KCNMA1: variants seen among roughly 807,000 people sequenced by gnomAD.
KCNMA1 encodes potassium calcium-activated channel subfamily M alpha 1.
In KCNMA1, 29 loss-of-function variants were observed where a neutral mutation model predicts 140.0. The observed-to-expected ratio is 0.21, with a 90% CI of 0.15 to 0.28. The LOEUF (loss-of-function observed/expected upper bound fraction) is 0.28, where lower values mean the gene tolerates loss of function less well. Ranked by LOEUF, KCNMA1 falls within the 10% of genes least tolerant of loss-of-function variation. The pLI is 1.00. For missense variants in KCNMA1, 880 were observed against 1,602.2 expected, an observed-to-expected ratio of 0.55 and a Z score of 7.70; for synonymous variants, 612 against 611.9, an observed-to-expected ratio of 1.00 and a Z score of 0.00.
At chr10:77,497,804 G>T (rs2042476470) in intron 1 of KCNMA1, among the ~76,000 whole-genome samples, 1 of 152,218 alleles carries the variant, frequency 6.6e-6, no homozygotes, top group South Asian at 2.1e-4. Context: ...GGAAGATGTG[G>T]CTAACTTGCA....
At chr10:77,109,341 G>A (rs1008934995) in intron 8 of KCNMA1, among the ~76,000 whole-genome samples, 4 of 152,044 alleles carry the variant, frequency 2.6e-5, no homozygotes, top group Admixed American at 6.5e-5. Context: ...ATAAATGTGC[G>A]CACGGTGTAC....
intron 2 of KCNMA1, among the ~76,000 whole-genome samples, chr10:77,377,337 G>C (rs2095188892): frequency 6.6e-6 from 1 of 152,138 alleles, no homozygotes; most frequent in Non-Finnish European, 1.5e-5. Flanking sequence ...GATGACCTCT[G>C]GGGGATTCCT....
intron 1 of KCNMA1, among the ~76,000 whole-genome samples, chr10:77,540,793 G>A (rs1158408014): frequency 2.6e-5 from 4 of 152,138 alleles, no homozygotes; most frequent in Non-Finnish European, 5.9e-5. Flanking sequence ...CTGAGGTCAG[G>A]AGTTGGAGAC....
At chr10:77,182,498 C>T (rs916578443) in intron 5 of KCNMA1, among the ~76,000 whole-genome samples, 4 of 152,120 alleles carry the variant, frequency 2.6e-5, no homozygotes, top group Admixed American at 6.5e-5. Context: ...GCCTGGGAAC[C>T]GTGGGTGTCT....
chr10:77,544,906 A>G (rs1488670263), intron 1 of KCNMA1, among the ~76,000 whole-genome samples: 1 of 152,204 alleles, frequency 6.6e-6, no homozygotes, highest in African/African-American at 2.4e-5. Flanking sequence ...AAAAAGTCTA[A>G]TCCCCTTCCA....
chr10:77,486,405 A>G (rs1451301420), intron 1 of KCNMA1, among the ~76,000 whole-genome samples: 7 of 152,086 alleles, frequency 4.6e-5, no homozygotes, highest in African/African-American at 1.7e-4. Context: ...TAGCTGAGGT[A>G]TTGTTTTCTT....
chr10:77,500,734 C>T (rs539288489), intron 1 of KCNMA1, among the ~76,000 whole-genome samples: 64 of 152,280 alleles, frequency 4.2e-4, no homozygotes, highest in African/African-American at 1.5e-3. Flanking sequence ...GAGGAGTTTA[C>T]TGAAGTACTA....
At chr10:77,432,383 C>T (rs1317956406) in intron 1 of KCNMA1, among the ~76,000 whole-genome samples, 3 of 152,218 alleles carry the variant, frequency 2.0e-5, no homozygotes, top group Non-Finnish European at 4.4e-5. Flanking sequence ...AAGCAGTCAT[C>T]CTGCTTCTCT....
chr10:76,970,143 A>G (rs2075598289), intron 19 of KCNMA1, 76 bp from the exon 20 acceptor site: 1 of 1,123,288 alleles, frequency 8.9e-7, no homozygotes, highest in African/African-American at 1.5e-5. Context: ...ATATCAAAGG[A>G]CACACACTCA....
intron 1 of KCNMA1, among the ~76,000 whole-genome samples, chr10:77,602,909 C>T (rs187980202): frequency 6.6e-6 from 1 of 152,282 alleles, no homozygotes. Context: ...GCTTATTTGA[C>T]AAGCACAATG....
intron 2 of KCNMA1, among the ~76,000 whole-genome samples, chr10:77,310,345 T>G (rs1027238322): frequency 6.6e-6 from 1 of 152,154 alleles, no homozygotes; most frequent in Non-Finnish European, 1.5e-5. Context: ...GGTTAATTTC[T>G]GAGATCTCGA....
At chr10:77,115,807 C>T (rs2097448125) in intron 6 of KCNMA1, among the ~76,000 whole-genome samples, 1 of 152,162 alleles carries the variant, frequency 6.6e-6, no homozygotes, top group African/African-American at 2.4e-5. Flanking sequence ...ATTTTTATGA[C>T]ATCAGTATTA....
At chr10:77,163,055 A>G (rs1003617127) in intron 5 of KCNMA1, among the ~76,000 whole-genome samples, 2 of 152,170 alleles carry the variant, frequency 1.3e-5, no homozygotes, top group Admixed American at 1.3e-4. Context: ...GGATAAATGA[A>G]TCAATTAAAA....
intron 1 of KCNMA1, among the ~76,000 whole-genome samples, chr10:77,595,273 G>A (rs1442375234): frequency 6.7e-6 from 1 of 148,682 alleles, no homozygotes; most frequent in African/African-American, 2.5e-5. Flanking sequence ...CTTGAACCTG[G>A]GAAGTGGAGG....
intron 1 of KCNMA1, among the ~76,000 whole-genome samples, chr10:77,559,789 T>G (rs1246988818): frequency 6.6e-6 from 1 of 152,086 alleles, no homozygotes; most frequent in African/African-American, 2.4e-5. Flanking sequence ...CAACACAGAG[T>G]AGGGTGCCAC....
intron 1 of KCNMA1, among the ~76,000 whole-genome samples, chr10:77,507,234 T>C (rs911137835): frequency 6.6e-6 from 1 of 152,220 alleles, no homozygotes; most frequent in African/African-American, 2.4e-5. Context: ...TGAGGACTCT[T>C]GCAACTTCGT....
At chr10:77,371,420 TC>T (rs2094706142) in intron 2 of KCNMA1, among the ~76,000 whole-genome samples, 1 of 151,952 alleles carries the variant, frequency 6.6e-6, no homozygotes, top group Non-Finnish European at 1.5e-5. Context: ...CCCACAAGTT[TC>T]CCCCCAGGCC....
At chr10:76,939,470 A>G (rs1157076264) in intron 23 of KCNMA1, 1 of 152,190 alleles carries the variant, frequency 6.6e-6, no homozygotes, top group Admixed American at 6.5e-5. Flanking sequence ...TACCTAAACC[A>G]AGGATCCCTT....
intron 5 of KCNMA1, among the ~76,000 whole-genome samples, chr10:77,160,008 G>A (rs758579141): frequency 7.9e-5 from 12 of 152,176 alleles, no homozygotes; most frequent in Admixed American, 1.3e-4. Flanking sequence ...AACAAAATGA[G>A]CTAAAAAGAA....
Sources: gnomAD v4.1 joint callset for allele counts (sites outside exome capture counted in the v4.1 genomes callset) on GRCh38, gnomAD v4.1.1 for gene constraint, MANE v1.5 for transcripts, NCBI Gene and HGNC (gene_info 2026-07-23, HGNC 2026-07-21) for gene names.